The following SLC25A21 variants were observed in gnomAD, a reference collection of about 807,000 sequenced individuals.
The protein encoded by SLC25A21 is solute carrier family 25 member 21.
SLC25A21 carries 47 observed loss-of-function variants against 43.8 expected under a neutral mutation model. The ratio of observed to expected loss-of-function variants is 1.07; its 90% CI spans 0.85 to 1.37. SLC25A21 has a LOEUF of 1.37. Among genes scored for constraint, SLC25A21 ranks in the 40% most tolerant of loss-of-function variants. SLC25A21 has a pLI of 0.00. For missense variants in SLC25A21, 352 were observed against 350.2 expected (o/e 1.00, Z -0.04); for synonymous variants, 131 against 121.3 (o/e 1.08, Z -0.52).
At chr14:36,975,696 A>C (rs1237002805) in intron 1 of SLC25A21, among the ~76,000 whole-genome samples, 3 of 152,264 alleles carry the variant, frequency 2.0e-5, no homozygotes, top group Non-Finnish European at 4.4e-5. Flanking sequence ...CATCACACAC[A>C]CATAGCCAGT....
chr14:36,780,433 T>C (rs561280196), intron 3 of SLC25A21, among the ~76,000 whole-genome samples: 5 of 152,196 alleles, frequency 3.3e-5, no homozygotes, highest in South Asian at 2.1e-4. Context: ...ATTTGTTTAA[T>C]TGAGATATTT....
chr14:36,740,705 C>T (rs976535431), intron 3 of SLC25A21, among the ~76,000 whole-genome samples: 1 of 146,246 alleles, frequency 6.8e-6, no homozygotes, highest in African/African-American at 2.5e-5. Flanking sequence ...TGAAAAGATG[C>T]TGACTGTATG....
At chr14:37,070,118 T>G (rs1280749346) in intron 1 of SLC25A21, among the ~76,000 whole-genome samples, 1 of 152,214 alleles carries the variant, frequency 6.6e-6, no homozygotes, top group Admixed American at 6.5e-5. Flanking sequence ...TCCAGGGTTT[T>G]GTTTTGTTCT....
At chr14:37,014,783 A>G (rs1391171299) in intron 1 of SLC25A21, among the ~76,000 whole-genome samples, 1 of 152,146 alleles carries the variant, frequency 6.6e-6, no homozygotes, top group African/African-American at 2.4e-5. Context: ...TTACTCCTCA[A>G]TCCATGGGCT....
intron 1 of SLC25A21, among the ~76,000 whole-genome samples, chr14:36,962,788 C>T (rs1407578495): frequency 2.0e-5 from 3 of 152,076 alleles, no homozygotes; most frequent in South Asian, 2.1e-4. Flanking sequence ...AATAAAATAC[C>T]GTGTAACCAG....
At chr14:37,160,498 T>C (rs374474497) in intron 1 of SLC25A21, among the ~76,000 whole-genome samples, 1 of 152,162 alleles carries the variant, frequency 6.6e-6, no homozygotes, top group South Asian at 2.1e-4. Context: ...TTCTCACTTA[T>C]ACGTGGGAGC....
intron 1 of SLC25A21, among the ~76,000 whole-genome samples, chr14:37,140,390 C>T (rs542601048): frequency 1.3e-5 from 2 of 152,198 alleles, no homozygotes; most frequent in Non-Finnish European, 2.9e-5. Flanking sequence ...TTGGTAAATG[C>T]ATGAATGACT....
chr14:36,850,747 T>C (rs2138514591), intron 2 of SLC25A21, among the ~76,000 whole-genome samples: 1 of 152,250 alleles, frequency 6.6e-6, no homozygotes. Flanking sequence ...CTGACTAAAG[T>C]CTCCAAATGA....
At chr14:36,715,523 T>C (rs1884089089) in intron 6 of SLC25A21, among the ~76,000 whole-genome samples, 1 of 152,222 alleles carries the variant, frequency 6.6e-6, no homozygotes, top group Admixed American at 6.5e-5. Context: ...TTTCCTTGTA[T>C]TATTTAGATT....
intron 1 of SLC25A21, among the ~76,000 whole-genome samples, chr14:36,900,897 T>C (rs848692): frequency 0.25 from 37,533 of 152,076 alleles, 5,511 homozygotes; most frequent in East Asian, 0.57. Flanking sequence ...GAAGGGCAAA[T>C]AGAGGTAACT....
chr14:36,770,483 C>A (rs1045436582), intron 3 of SLC25A21, among the ~76,000 whole-genome samples: 14 of 152,024 alleles, frequency 9.2e-5, no homozygotes, highest in Admixed American at 5.2e-4. Flanking sequence ...AATACATGTA[C>A]AGTAACAAGC....
intron 1 of SLC25A21, among the ~76,000 whole-genome samples, chr14:37,112,361 C>T (rs780442223): frequency 2.6e-5 from 4 of 151,952 alleles, no homozygotes; most frequent in Non-Finnish European, 5.9e-5. Flanking sequence ...AGGCAATAAG[C>T]ACAAAAGAGT....
intron 3 of SLC25A21, among the ~76,000 whole-genome samples, chr14:36,737,598 A>G (rs183590876): frequency 6.0e-4 from 92 of 152,298 alleles, no homozygotes; most frequent in Admixed American, 1.6e-3. Context: ...ATATCCATGC[A>G]ATAGAGGACT....
At chr14:36,773,327 CA>C (rs906276983) in intron 3 of SLC25A21, among the ~76,000 whole-genome samples, 48 of 152,236 alleles carry the variant, frequency 3.2e-4, no homozygotes, top group Admixed American at 2.6e-3. Flanking sequence ...CTCACATTAC[CA>C]AAGCCATATC....
chr14:36,934,824 C>A (rs1892380212), intron 1 of SLC25A21, among the ~76,000 whole-genome samples: 1 of 152,014 alleles, frequency 6.6e-6, no homozygotes, highest in Non-Finnish European at 1.5e-5. Flanking sequence ...AACATTAATA[C>A]TTATTAAGCA....
At position 36,815,284 on chromosome 14, in the gene SLC25A21, T is replaced by C. The variant is rs1377705989; in HGVS notation, c.120-1283A>G. On this transcript the variant is annotated intron_variant, in intron 2 of 9. Coordinates refer to ENST00000331299, the MANE Select transcript of SLC25A21 (RefSeq NM_030631.4). ...CAAACCACCATGGTGCACGTGTACC[T>C]ATGCAACAAATCTGCACGTTCTGCA... 2.0e-5 allele frequency among the ~76,000 whole-genome samples: 3 copies of C among 152,168 alleles called. No homozygotes were observed. The East Asian group carries it at 5.8e-4, about 29-fold the overall frequency.
intron 1 of SLC25A21, among the ~76,000 whole-genome samples, chr14:36,897,354 G>A (rs989767928): frequency 5.3e-5 from 8 of 151,532 alleles, no homozygotes; most frequent in Non-Finnish European, 1.0e-4. Flanking sequence ...TTGTGCATTC[G>A]TCATGTTCTT....
intron 1 of SLC25A21, among the ~76,000 whole-genome samples, chr14:37,000,215 A>G (rs1960457356): frequency 6.6e-6 from 1 of 152,026 alleles, no homozygotes; most frequent in African/African-American, 2.4e-5. Context: ...CTACCTCTAT[A>G]TGTATTACAA....
intron 2 of SLC25A21, among the ~76,000 whole-genome samples, chr14:36,844,143 C>A (rs943915881): frequency 2.0e-5 from 3 of 152,200 alleles, no homozygotes; most frequent in Admixed American, 2.0e-4. Context: ...TAACACGCTA[C>A]AGTACTAAAG....
Sources: gnomAD v4.1 joint callset for allele counts (sites outside exome capture counted in the v4.1 genomes callset) on GRCh38, gnomAD v4.1.1 for gene constraint, MANE v1.5 for transcripts, NCBI Gene and HGNC (gene_info 2026-07-23, HGNC 2026-07-21) for gene names.